Variants in GNG10 observed in about 807,000 individuals in gnomAD.
The protein encoded by GNG10 is guanine nucleotide-binding protein G(I)/G(S)/G(O) subunit gamma-10.
GNG10 carries 7 observed loss-of-function variants against 6.8 expected under a neutral mutation model. The observed-to-expected ratio is 1.02, with a 90% confidence interval of 0.58 to 1.92. The LOEUF (loss-of-function observed/expected upper bound fraction) is 1.92. Ranked by LOEUF, GNG10 falls within the 30% of genes most tolerant of loss-of-function variation. GNG10 has a pLI of 0.00. For missense variants in GNG10, 57 were observed against 86.1 expected (o/e 0.66, Z 1.34); for synonymous variants, 28 against 34.8 (o/e 0.80, Z 0.69).
At chr9:111,665,209 A>G (rs1830878914) in intron 1 of GNG10, among the ~76,000 whole-genome samples, 1 of 152,082 alleles carries the variant, frequency 6.6e-6, no homozygotes, top group South Asian at 2.1e-4. Context: ...GGTGAATTGT[A>G]TTCAAAATGC....
At chr9:111,668,480 T>C (rs1182122092) in intron 2 of GNG10, among the ~76,000 whole-genome samples, 1 of 136,834 alleles carries the variant, frequency 7.3e-6, no homozygotes, top group African/African-American at 2.6e-5. Flanking sequence ...CCTCCTTCTT[T>C]CCTTCCTTCT....
chr9:111,663,026 G>C (rs532291049), intron 1 of GNG10, among the ~76,000 whole-genome samples: 5 of 150,404 alleles, frequency 3.3e-5, no homozygotes, highest in Admixed American at 6.6e-5. Context: ...CAGGGCTACG[G>C]GGGGGTGGGG....
intron 2 of GNG10, among the ~76,000 whole-genome samples, chr9:111,667,482 G>A (rs910958481): frequency 8.6e-5 from 13 of 151,976 alleles, no homozygotes; most frequent in South Asian, 6.2e-4. Flanking sequence ...CACCCGCCTC[G>A]GCCTCCTAAA....
chr9:111,667,187 T>C (rs1830914990), intron 2 of GNG10, among the ~76,000 whole-genome samples: 1 of 152,200 alleles, frequency 6.6e-6, no homozygotes, highest in Middle Eastern at 3.2e-3. Context: ...CCAACATCCT[T>C]CTGTACTTGA....
chr9:111,661,695 G>A lies in GNG10; in HGVS notation c.61G>A (p.Ala21Thr). Residue 21 changes from alanine (A) to threonine (T), a missense_variant, in exon 1 of 3, where the codon GCT becomes ACT. Physicochemically the swap from Ala to Thr is moderately conservative, Grantham distance 58 (BLOSUM62 0). Coordinates refer to ENST00000374293, the MANE Select transcript of GNG10 (RefSeq NM_001017998.4). The surrounding 1 kb of genome is among the most constrained non-coding windows in gnomAD (Gnocchi z 6.1). ...CTTGGTAGAGCAGCTCAAGTTGGAGGCTGGCGTGGAGAGGATCAAGGTGCG... is the reference window on the plus strand; with the variant it reads ...CTTGGTAGAGCAGCTCAAGTTGGAGACTGGCGTGGAGAGGATCAAGGTGCG... Reference protein sequence around the residue: ...QRLVEQLKLEAGVERIKVSQA... With the variant: ...QRLVEQLKLETGVERIKVSQA... The A allele has an allele frequency of 7.2e-7, 1 of 1,382,694 alleles. No homozygotes were observed. The highest frequency in any genetic ancestry group is 1.5e-5 in the South Asian group (1 of 68,366). 85.7% of individuals were successfully genotyped at this position (1,382,694 alleles called of 1,614,324 possible).
chr9:111,663,580 A>G (rs1342199092), intron 1 of GNG10, among the ~76,000 whole-genome samples: 1 of 152,020 alleles, frequency 6.6e-6, no homozygotes. Context: ...GGAAGGAGAG[A>G]TTGTGATCAG....
chr9:111,666,341 C>T (rs1830897798), intron 1 of GNG10, among the ~76,000 whole-genome samples: 2 of 152,082 alleles, frequency 1.3e-5, no homozygotes, highest in South Asian at 4.2e-4. Flanking sequence ...GGCTATACTC[C>T]CAAATAATAA....
chr9:111,668,001 C>A (rs144572702), intron 2 of GNG10, among the ~76,000 whole-genome samples: 2 of 152,114 alleles, frequency 1.3e-5, no homozygotes, highest in African/African-American at 4.8e-5. Flanking sequence ...GGATTACAGG[C>A]GCATGCCACC....
rs1830824686 is a variant in GNG10 at position 111,661,874 on chromosome 9, G to A, written c.81+159G>A. On this transcript the variant is annotated intron_variant, in intron 1 of 2. Transcript: ENST00000374293. The surrounding 1 kb of genome is among the most constrained non-coding windows in gnomAD (Gnocchi z 6.1). ...GGGGTCCGCGGTGAGGGAGGGCGCG[G>A]GGCAAGCCGGGGGCCCGGGCCTGAC... Among the ~76,000 whole-genome samples the A allele has an allele frequency of 1.3e-5, 2 of 151,284 alleles. No individual in the cohort carries two copies. The highest frequency in any genetic ancestry group is 4.1e-4 in the South Asian group (2 of 4,834).
chr9:111,665,440 T>G (rs1476167167), intron 1 of GNG10, among the ~76,000 whole-genome samples: 1 of 152,204 alleles, frequency 6.6e-6, no homozygotes, highest in African/African-American at 2.4e-5. Context: ...TTCTGGGCTC[T>G]CCCATGCATC....
intron 1 of GNG10, among the ~76,000 whole-genome samples, chr9:111,666,173 G>A (rs1351960500): frequency 1.3e-5 from 2 of 152,128 alleles, no homozygotes; most frequent in Admixed American, 6.5e-5. Context: ...CTTTATATGT[G>A]TGAACTCACT....
At position 111,666,953 on chromosome 9, in the gene GNG10, A is replaced by G; in HGVS notation, c.*6+7A>G. 1.2e-6 allele frequency: 2 copies of G among 1,613,976 alleles called. No homozygotes were observed. The highest frequency in any genetic ancestry group is 1.7e-6 in the Non-Finnish European group (2 of 1,179,912). On this transcript the variant is annotated splice_region_variant and intron_variant, in intron 2 of 2. Transcript: ENST00000374293. The stretch of plus-strand genomic sequence containing the variant: ...TGCTTTACTCTGAAGACTCGTGAGT[A>G]ATGATACACCATGATGTCTTGGGCC...
rs1164777961 is a variant in GNG10 at position 111,670,183 on chromosome 9, A to G, written c.*921A>G. The G allele has an allele frequency of 6.6e-6, 1 of 152,668 alleles. No individual in the cohort carries two copies. Among genetic ancestry groups the G allele is most frequent in the Non-Finnish European group, 1.5e-5 (1 of 68,042 alleles). 9.5% of individuals were successfully genotyped at this position (152,668 alleles called of 1,614,324 possible). ...AGAAGGATACATTATTCGTGTTTGC[A>G]ACGGTCTTTGAAGAGCTTGGAAATA... is the stretch of plus-strand genomic sequence containing the variant. On this transcript the variant is annotated 3_prime_UTR_variant, in exon 3 of 3. Transcript: ENST00000374293.
At chr9:111,667,287 T>C (rs1299571855) in intron 2 of GNG10, among the ~76,000 whole-genome samples, 1 of 152,076 alleles carries the variant, frequency 6.6e-6, no homozygotes, top group Admixed American at 6.6e-5. Flanking sequence ...TGGAGTACAG[T>C]GGCATGATCT....
chr9:111,663,821 CT>C lies in GNG10; in HGVS notation c.81+2122del, dbSNP rs5899961. On this transcript the variant is annotated intron_variant, in intron 1 of 2. Transcript: ENST00000374293. ...GTAGCTAAGAAAGAGGAAAGATATTCTTTTTTTTTTTTTTTTGAGATGGAGT... is the reference window on the plus strand; with the variant it reads ...GTAGCTAAGAAAGAGGAAAGATATTCTTTTTTTTTTTTTTTGAGATGGAGT... 5.0e-3 allele frequency among the ~76,000 whole-genome samples: 724 copies of C among 144,836 alleles called. 1 individual carries two copies. The highest frequency in any genetic ancestry group is 7.1e-3 in the Non-Finnish European group (462 of 64,898).
intron 1 of GNG10, among the ~76,000 whole-genome samples, chr9:111,663,358 GC>G (rs1830853431): frequency 6.6e-6 from 1 of 152,168 alleles, no homozygotes; most frequent in Non-Finnish European, 1.5e-5. Flanking sequence ...GAGTAAGTTA[GC>G]AGGGGAGGTA....
In GNG10 at chr9:111,663,169, G is replaced by A. The variant is rs554519382; in HGVS notation, c.81+1454G>A. Among the ~76,000 whole-genome samples the A allele has an allele frequency of 6.6e-5, 10 of 152,302 alleles. No homozygotes were observed. The East Asian group carries it at 1.7e-3, about 26-fold the overall frequency. On this transcript the variant is annotated intron_variant, in intron 1 of 2. Coordinates refer to ENST00000374293, the MANE Select transcript of GNG10 (RefSeq NM_001017998.4). ...ATAGGAGGCCAGGTTTTCTTCTAAG[G>A]CAGAGGAAAGGGGACTAAGGGAGTG...
At chr9:111,664,218 A>C (rs1203227872) in intron 1 of GNG10, among the ~76,000 whole-genome samples, 2 of 152,192 alleles carry the variant, frequency 1.3e-5, no homozygotes, top group Non-Finnish European at 2.9e-5. Flanking sequence ...AGCTCGCAGT[A>C]AGCTTATTTA....
chr9:111,664,260 C>T (rs1490423893), intron 1 of GNG10, among the ~76,000 whole-genome samples: 2 of 152,084 alleles, frequency 1.3e-5, no homozygotes, highest in African/African-American at 2.4e-5. Flanking sequence ...TTAAGAGGTG[C>T]GCTCATGGAA....
Sources: gnomAD v4.1 joint callset for allele counts (sites outside exome capture counted in the v4.1 genomes callset) on GRCh38, gnomAD v4.1.1 for gene constraint, Gnocchi (gnomAD v3.1) non-coding constraint, MANE v1.5 for transcripts, NCBI Gene and HGNC (gene_info 2026-07-23, HGNC 2026-07-21) for gene names.